AGT: variants seen among roughly 807,000 people sequenced by gnomAD.
AGT encodes alpha-1 antiproteinase, antitrypsin.
AGT carries 26 observed loss-of-function variants against 28.1 expected under a neutral mutation model. That is an observed-to-expected ratio of 0.92 (90% CI 0.68 to 1.28). AGT has a LOEUF of 1.28. AGT is among the 50% of genes most tolerant of loss of function. The pLI, the probability that AGT is intolerant of heterozygous loss-of-function variation, is 0.00. For missense variants in AGT, 596 were observed against 592.3 expected, an observed-to-expected ratio of 1.01 and a Z score of -0.06; for synonymous variants, 259 against 259.6, an observed-to-expected ratio of 1.00 and a Z score of 0.02.
chr1:230,725,732 A>T (rs751470932), intron 1 of AGT, among the ~76,000 whole-genome samples: 56 of 151,948 alleles, frequency 3.7e-4, no homozygotes, highest in Non-Finnish European at 7.3e-5. Flanking sequence ...TTGGAAAGAG[A>T]AATATCAGTT....
Position 230,725,972 on chromosome 1 carries a change from G to A in AGT, c.-30-15119C>T, listed in dbSNP as rs1055569767. Reference sequence around the variant, plus strand: ...ACTGCTTTGCTCACCTTAATGATAAGGATCAACTCTGCCTTATAAATGGTT... The same window carrying A: ...ACTGCTTTGCTCACCTTAATGATAAAGATCAACTCTGCCTTATAAATGGTT... On this transcript the variant is annotated intron_variant, in intron 1 of 4. Transcript: ENST00000681269. Among the ~76,000 whole-genome samples, 114 of 151,968 alleles carry A rather than the reference G, an allele frequency of 7.5e-4. 1 individual carries two copies. The highest frequency in any genetic ancestry group is 1.8e-4 in the Non-Finnish European group (12 of 68,006).
rs753623474 is a variant in AGT at position 230,744,405 on chromosome 1, G to T, written c.-31+1110C>A. On this transcript the variant is annotated intron_variant, in intron 1 of 4. Transcript: ENST00000681269. ...GACGCTAAGACAAAGTCATGGAGAA[G>T]TCCGGTGCCATGAGCTCTGCAGGAA... 3.6e-4 allele frequency among the ~76,000 whole-genome samples: 55 copies of T among 152,338 alleles called. 1 individual carries two copies. Among genetic ancestry groups the T allele is most frequent in the Admixed American group, 2.5e-3 (39 of 15,304 alleles).
chr1:230,719,405 TG>T (rs879451253), upstream of AGT, among the ~76,000 whole-genome samples: 24,229 of 126,796 alleles, frequency 0.19, 3,239 homozygotes, highest in East Asian at 0.5. Flanking sequence ...ATTATCATTA[TG>T]TTTTTTTTTT....
Position 230,710,125 on chromosome 1 carries a change from T to C in AGT, c.699A>G (p.Thr233=). ...TCTTCTCAGCAGCAACATCCAGTTCTGTGAAGTCCAGAGAGCGTGGGAGGA... is the reference window on the plus strand; with the variant it reads ...TCTTCTCAGCAGCAACATCCAGTTCCGTGAAGTCCAGAGAGCGTGGGAGGA... The part of the protein sequence containing the change: ...PVVLPRSLDF[T]ELDVAAEKID... Residue 233 remains threonine, a synonymous_variant, in exon 2 of 5, where the codon ACA becomes ACG. Coordinates refer to ENST00000366667, the MANE Select transcript of AGT (RefSeq NM_001384479.1). 1 of 1,614,166 alleles carries C rather than the reference T, an allele frequency of 6.2e-7. No individual in the cohort carries two copies. Among genetic ancestry groups the C allele is most frequent in the Non-Finnish European group, 8.5e-7 (1 of 1,180,038 alleles).
intron 1 of AGT, among the ~76,000 whole-genome samples, chr1:230,743,811 C>G (rs1983899): frequency 0.12 from 17,620 of 152,216 alleles, 1,340 homozygotes; most frequent in African/African-American, 0.21. Context: ...CCAGAGCCAC[C>G]CAGGCACTAT....
Position 230,703,349 on chromosome 1 carries a change from A to G in AGT, c.1243-20T>C, listed in dbSNP as rs1210091627. Reference sequence around the variant, plus strand: ...CAGCACCTGCAAAGCAGCAGACATCAGGATCATTCTGAGGGCGCACTGGGT... The same window carrying G: ...CAGCACCTGCAAAGCAGCAGACATCGGGATCATTCTGAGGGCGCACTGGGT... On this transcript the variant is annotated intron_variant, in intron 4 of 4. Coordinates refer to ENST00000366667, the MANE Select transcript of AGT (RefSeq NM_001384479.1). The G allele has an allele frequency of 6.2e-7, 1 of 1,614,042 alleles. No individual in the cohort carries two copies. Among genetic ancestry groups the G allele is most frequent in the Admixed American group, 1.7e-5 (1 of 60,014 alleles).
chr1:230,716,268 C>A (rs1186502598), upstream of AGT, among the ~76,000 whole-genome samples: 1 of 152,194 alleles, frequency 6.6e-6, no homozygotes, highest in Non-Finnish European at 1.5e-5. Context: ...AAACTGACTG[C>A]AGACATTTGA....
chr1:230,730,144 C>G (rs1460774775), intron 1 of AGT, among the ~76,000 whole-genome samples: 1 of 152,068 alleles, frequency 6.6e-6, no homozygotes, highest in Non-Finnish European at 1.5e-5. Flanking sequence ...TGTTCTCAAA[C>G]TCCTGACCTC....
At chr1:230,741,383 C>T (rs377633221) in intron 1 of AGT, among the ~76,000 whole-genome samples, 28 of 152,354 alleles carry the variant, frequency 1.8e-4, no homozygotes, top group East Asian at 1.7e-3. Context: ...AGGTCGTCCA[C>T]GAGCCTATGC....
At chr1:230,715,827 AAAC>A (rs1274455116), upstream of AGT, among the ~76,000 whole-genome samples, 2 of 152,246 alleles carry the variant, frequency 1.3e-5, no homozygotes, top group African/African-American at 4.8e-5. Context: ...TCAGGGAACA[AAAC>A]AAAGATCCTG....
At chr1:230,738,280 C>G (rs1469252607) in intron 1 of AGT, among the ~76,000 whole-genome samples, 2 of 152,222 alleles carry the variant, frequency 1.3e-5, no homozygotes, top group Non-Finnish European at 2.9e-5. Flanking sequence ...CACACTTTTC[C>G]AAATTGGCTG....
chr1:230,742,126 A>G (rs73102693), intron 1 of AGT, among the ~76,000 whole-genome samples: 11,320 of 152,170 alleles, frequency 0.074, 614 homozygotes, highest in East Asian at 0.14. Flanking sequence ...TAAAAGGCAT[A>G]TAGAAAAGTC....
At chr1:230,737,399 C>A (rs142862756) in intron 1 of AGT, among the ~76,000 whole-genome samples, 1 of 152,068 alleles carries the variant, frequency 6.6e-6, no homozygotes, top group Admixed American at 6.6e-5. Context: ...GCAACCTCTG[C>A]CTCCCAGGTT....
In AGT at chr1:230,702,838, T is replaced by C. The variant is rs1447975686; in HGVS notation, c.*303A>G. On this transcript the variant is annotated 3_prime_UTR_variant, in exon 5 of 5. Transcript: ENST00000366667. ...CAAGCTGGTCGGTTGGAATTCTTTT[T>C]GGAACAGTAGTCCCGCGCTAAACAC... is the stretch of plus-strand genomic sequence containing the variant. 2 of 350,394 alleles carry C rather than the reference T, an allele frequency of 5.7e-6. No homozygotes were observed. Among genetic ancestry groups the C allele is most frequent in the Non-Finnish European group, 1.0e-5 (2 of 191,286 alleles). 21.7% of individuals were successfully genotyped at this position (350,394 alleles called of 1,614,324 possible). A position where few individuals can be genotyped will look rare whatever the true frequency, so the allele number is the denominator to read the frequency against.
At chr1:230,740,350 C>T (rs542630953) in intron 1 of AGT, among the ~76,000 whole-genome samples, 322 of 152,204 alleles carry the variant, frequency 2.1e-3, no homozygotes, top group African/African-American at 7.5e-3. Flanking sequence ...GACCTGCCGA[C>T]CTCCTATGTC....
At chr1:230,733,009 C>T (rs747016313) in intron 1 of AGT, among the ~76,000 whole-genome samples, 32 of 151,962 alleles carry the variant, frequency 2.1e-4, no homozygotes, top group Non-Finnish European at 3.2e-4. Context: ...CTGCTGGTCT[C>T]GGTGGCTCAC....
At chr1:230,735,528 C>T (rs2102805267) in intron 1 of AGT, among the ~76,000 whole-genome samples, 1 of 152,226 alleles carries the variant, frequency 6.6e-6, no homozygotes, top group East Asian at 1.9e-4. Flanking sequence ...TGCCCCCCTG[C>T]CCAACCCCAC....
At chr1:230,704,648 TA>T (rs1405741759) in intron 3 of AGT, among the ~76,000 whole-genome samples, 1 of 152,258 alleles carries the variant, frequency 6.6e-6, no homozygotes, top group East Asian at 1.9e-4. Flanking sequence ...GGGTAATTTT[TA>T]AATGCTATTC....
chr1:230,703,280 G>T lies in AGT; in HGVS notation c.1292C>A (p.Thr431Lys), dbSNP rs1449203897. 6.2e-7 allele frequency: 1 copy of T among 1,614,214 alleles called. No individual in the cohort carries two copies. Among genetic ancestry groups the T allele is most frequent in the South Asian group, 1.1e-5 (1 of 91,078 alleles). ...FELEADEREP[T>K]ESTQQLNKPE... ...CTTGTTAAGCTGTTGGGTAGACTCT[G>T]TGGGCTCTCTCTCATCCGCTTCAAG... Residue 431 changes from threonine (T) to lysine (K), a missense_variant, in exon 5 of 5, where the codon ACA becomes AAA. Transcript: ENST00000366667.
Sources: gnomAD v4.1 joint callset for allele counts (sites outside exome capture counted in the v4.1 genomes callset) on GRCh38, gnomAD v4.1.1 for gene constraint, MANE v1.5 for transcripts, NCBI Gene and HGNC (gene_info 2026-07-23, HGNC 2026-07-21) for gene names.